KIAA1328: variants seen among roughly 807,000 people sequenced by gnomAD.
The protein encoded by KIAA1328 is KIAA1328.
Under a neutral mutation model 68.1 loss-of-function variants are expected in KIAA1328, and 52 were observed. That is an observed-to-expected ratio of 0.76 (90% CI 0.61 to 0.96). The LOEUF (loss-of-function observed/expected upper bound fraction) is 0.96. Among genes scored for constraint, KIAA1328 ranks in the 40% least tolerant of loss-of-function variants. The pLI is 0.00. For missense variants in KIAA1328, 641 were observed against 677.6 expected, an observed-to-expected ratio of 0.95 and a Z score of 0.60; for synonymous variants, 232 against 239.4, an observed-to-expected ratio of 0.97 and a Z score of 0.28.
chr18:37,171,513 A>G (rs928029555), intron 8 of KIAA1328, among the ~76,000 whole-genome samples: 1 of 152,026 alleles, frequency 6.6e-6, no homozygotes, highest in African/African-American at 2.4e-5. Context: ...CCCATCCTCT[A>G]TGTCTCTTTA....
chr18:36,898,193 G>C (rs2048925192), intron 5 of KIAA1328, among the ~76,000 whole-genome samples: 1 of 151,950 alleles, frequency 6.6e-6, no homozygotes, highest in Non-Finnish European at 1.5e-5. Flanking sequence ...TTTTATTTCA[G>C]ATGTTATCTT....
chr18:36,847,345 G>A (rs1418246164), intron 4 of KIAA1328, among the ~76,000 whole-genome samples: 1 of 151,478 alleles, frequency 6.6e-6, no homozygotes, highest in Non-Finnish European at 1.5e-5. Context: ...CAATGTGATT[G>A]TGCCATTTCA....
At chr18:36,868,931 G>C (rs1268525373) in intron 4 of KIAA1328, among the ~76,000 whole-genome samples, 1 of 151,718 alleles carries the variant, frequency 6.6e-6, no homozygotes, top group Non-Finnish European at 1.5e-5. Flanking sequence ...TATTTATTCT[G>C]GTCTTTATTT....
intron 7 of KIAA1328, among the ~76,000 whole-genome samples, chr18:37,123,395 G>A (rs1000702526): frequency 1.3e-5 from 2 of 152,022 alleles, no homozygotes; most frequent in African/African-American, 4.8e-5. Flanking sequence ...AAAAAGAGAA[G>A]CTTGATTTTC....
At chr18:37,132,172 C>T (rs1215479285) in intron 7 of KIAA1328, among the ~76,000 whole-genome samples, 1 of 151,864 alleles carries the variant, frequency 6.6e-6, no homozygotes, top group East Asian at 1.9e-4. Flanking sequence ...TTTTTGAGGC[C>T]CCTGTGATGG....
chr18:37,078,783 C>T, intron 7 of KIAA1328, among the ~76,000 whole-genome samples: 1 of 150,450 alleles, frequency 6.6e-6, no homozygotes, highest in Non-Finnish European at 1.5e-5. Context: ...CAATGAGATA[C>T]CATCTCACAC....
intron 5 of KIAA1328, among the ~76,000 whole-genome samples, chr18:36,925,571 C>CTGT (rs1395425176): frequency 6.6e-6 from 1 of 151,516 alleles, no homozygotes; most frequent in Non-Finnish European, 1.5e-5. Context: ...GGATCTCACT[C>CTGT]TGTTGCCCAG....
intron 7 of KIAA1328, among the ~76,000 whole-genome samples, chr18:37,112,655 A>G (rs1036343452): frequency 6.6e-6 from 1 of 152,226 alleles, no homozygotes; most frequent in African/African-American, 2.4e-5. Context: ...ACAGAGAATG[A>G]CTTTGACGAG....
Position 36,835,314 on chromosome 18 carries a change from G to T in KIAA1328, c.175G>T (p.Val59Leu), listed in dbSNP as rs781648268. The change falls in exon 3 of 10, where the codon GTG becomes TTG. Residue 59 changes from valine (V) to leucine (L), a missense_variant. Coordinates refer to ENST00000280020, the MANE Select transcript of KIAA1328 (RefSeq NM_020776.3). Reference protein sequence around the residue: ...KADVKLKTSRVTDASISMESL... With the variant: ...KADVKLKTSRLTDASISMESL... ...TGATGTTAAACTTAAGACTTCCAGG[G>T]TGACTGATGCTTCAATCTCCATGGA... 6.8e-6 allele frequency: 11 copies of T among 1,613,754 alleles called. No homozygotes were observed. Among genetic ancestry groups the T allele is most frequent in the Non-Finnish European group, 9.3e-6 (11 of 1,179,766 alleles).
At chr18:37,034,595 C>A (rs751060029) in intron 6 of KIAA1328, among the ~76,000 whole-genome samples, 1 of 152,088 alleles carries the variant, frequency 6.6e-6, no homozygotes, top group Non-Finnish European at 1.5e-5. Flanking sequence ...TACAAATAAC[C>A]TTGAGTTCAC....
chr18:37,029,203 A>ATT (rs111567446), intron 6 of KIAA1328, among the ~76,000 whole-genome samples: 5 of 150,442 alleles, frequency 3.3e-5, no homozygotes, highest in Admixed American at 6.6e-5. Context: ...GAAACTCAAT[A>ATT]TTTTTTTTTC....
At chr18:36,833,629 C>T (rs2046573487) in intron 1 of KIAA1328, among the ~76,000 whole-genome samples, 1 of 152,122 alleles carries the variant, frequency 6.6e-6, no homozygotes, top group South Asian at 2.1e-4. Flanking sequence ...TGACAGAGAG[C>T]AGTTAGGAGC....
chr18:36,894,013 A>G (rs1177450524), intron 5 of KIAA1328, among the ~76,000 whole-genome samples: 6 of 152,044 alleles, frequency 3.9e-5, no homozygotes, highest in Admixed American at 3.3e-4. Flanking sequence ...CGCATTTTTA[A>G]TCTTCATAAT....
At chr18:36,958,240 A>T (rs569108322) in intron 5 of KIAA1328, among the ~76,000 whole-genome samples, 43 of 152,316 alleles carry the variant, frequency 2.8e-4, no homozygotes, top group African/African-American at 9.9e-4. Flanking sequence ...ACTATTAGGA[A>T]TAATGCCATG....
intron 6 of KIAA1328, among the ~76,000 whole-genome samples, chr18:36,998,544 C>T (rs1381984555): frequency 2.0e-5 from 3 of 152,214 alleles, no homozygotes; most frequent in Admixed American, 1.3e-4. Flanking sequence ...CATGCTTAGT[C>T]CACCGCTGCC....
intron 5 of KIAA1328, chr18:36,921,146 T>A (rs2049906307): frequency 6.6e-6 from 1 of 152,188 alleles, no homozygotes; most frequent in Non-Finnish European, 1.5e-5. Flanking sequence ...TTTTTCTAGT[T>A]GTTTATAGCA....
chr18:37,124,650 A>G (rs897847928), intron 7 of KIAA1328, among the ~76,000 whole-genome samples: 3 of 152,142 alleles, frequency 2.0e-5, no homozygotes, highest in Non-Finnish European at 4.4e-5. Context: ...ACTCTATCCT[A>G]GTTTACAAGT....
At chr18:37,213,631 T>C (rs2060363166) in intron 9 of KIAA1328, among the ~76,000 whole-genome samples, 1 of 152,202 alleles carries the variant, frequency 6.6e-6, no homozygotes, top group South Asian at 2.1e-4. Flanking sequence ...GTCTTTATAG[T>C]AACATGATTT....
At chr18:36,923,150 C>T (rs1273631836) in intron 5 of KIAA1328, among the ~76,000 whole-genome samples, 1 of 152,038 alleles carries the variant, frequency 6.6e-6, no homozygotes, top group African/African-American at 2.4e-5. Context: ...GCTAAAATTA[C>T]TTAGATGTAT....
Sources: allele counts gnomAD v4.1 joint callset (sites outside exome capture counted in the v4.1 genomes callset), GRCh38; gene constraint gnomAD v4.1.1; transcripts MANE v1.5; gene names NCBI Gene and HGNC (gene_info 2026-07-23, HGNC 2026-07-21).